Variants in EPHB1 observed in about 807,000 individuals in gnomAD.
The protein encoded by EPHB1 is EPH receptor B1, also known as ephrin type-B receptor 1.
Under a neutral mutation model 94.4 loss-of-function variants are expected in EPHB1, and 30 were observed. That is an observed-to-expected ratio of 0.32 (90% CI 0.24 to 0.43). EPHB1 has a LOEUF of 0.43. Among genes scored for constraint, EPHB1 ranks in the 20% least tolerant of loss-of-function variants. The pLI is 1.00. For missense variants in EPHB1, 1,055 were observed against 1,308.3 expected (o/e 0.81, Z 2.99); for synonymous variants, 522 against 489.1 (o/e 1.07, Z -0.89).
intron 9 of EPHB1, among the ~76,000 whole-genome samples, chr3:135,173,826 A>G (rs1480871715): frequency 6.6e-6 from 1 of 152,098 alleles, no homozygotes; most frequent in East Asian, 1.9e-4. Flanking sequence ...AACGTCTAAA[A>G]CCACATGTGC....
intron 12 of EPHB1, among the ~76,000 whole-genome samples, chr3:135,204,722 C>T (rs906926835): frequency 4.5e-4 from 68 of 151,424 alleles, no homozygotes; most frequent in Non-Finnish European, 6.9e-4. Flanking sequence ...AGGCTGGTCT[C>T]GAACTCCTGG....
chr3:134,848,573 A>G (rs1369999010), intron 1 of EPHB1, among the ~76,000 whole-genome samples: 3 of 152,228 alleles, frequency 2.0e-5, no homozygotes, highest in Non-Finnish European at 4.4e-5. Context: ...CATTCATCGC[A>G]AGCATTAGAT....
At chr3:135,109,817 C>A (rs1358403973) in intron 4 of EPHB1, among the ~76,000 whole-genome samples, 1 of 152,194 alleles carries the variant, frequency 6.6e-6, no homozygotes, top group African/African-American at 2.4e-5. Flanking sequence ...AGAAGCTGGG[C>A]AGGAGCAATG....
At chr3:135,168,073 A>G (rs1331398339) in intron 9 of EPHB1, among the ~76,000 whole-genome samples, 1 of 152,216 alleles carries the variant, frequency 6.6e-6, no homozygotes, top group South Asian at 2.1e-4. Flanking sequence ...CAGCAGCTGC[A>G]CCATGAAGGA....
intron 3 of EPHB1, among the ~76,000 whole-genome samples, chr3:135,075,096 ACTAGGTG>A (rs1937862505): frequency 6.6e-6 from 1 of 152,200 alleles, no homozygotes; most frequent in African/African-American, 2.4e-5. Context: ...AGGAGGAAAG[ACTAGGTG>A]CTGGATACAA....
intron 1 of EPHB1, among the ~76,000 whole-genome samples, chr3:134,811,517 G>A (rs956534784): frequency 7.2e-5 from 11 of 151,826 alleles, no homozygotes; most frequent in Non-Finnish European, 1.5e-4. Context: ...GGGATTACAG[G>A]CATAAGCCAA....
intron 11 of EPHB1, among the ~76,000 whole-genome samples, chr3:135,197,551 G>C (rs6766896): frequency 0.013 from 1,977 of 152,304 alleles, 38 homozygotes; most frequent in African/African-American, 0.046. Flanking sequence ...GATTCATTTT[G>C]TTCAAACAAA....
At chr3:135,107,326 A>T (rs564219405) in intron 4 of EPHB1, among the ~76,000 whole-genome samples, 72 of 152,212 alleles carry the variant, frequency 4.7e-4, no homozygotes, top group Non-Finnish European at 9.4e-4. Context: ...CTGGATAGGG[A>T]TGTGAGAAGG....
chr3:135,162,584 G>T (rs986629344), intron 7 of EPHB1, among the ~76,000 whole-genome samples: 1 of 152,166 alleles, frequency 6.6e-6, no homozygotes, highest in African/African-American at 2.4e-5. Context: ...AGGTCTTCAG[G>T]GAGGAAATGG....
At chr3:135,230,526 C>T (rs1943509456) in intron 12 of EPHB1, among the ~76,000 whole-genome samples, 1 of 152,164 alleles carries the variant, frequency 6.6e-6, no homozygotes. Flanking sequence ...AAGGAGAGAA[C>T]ACACCTGCAC....
At chr3:134,869,726 T>C (rs1430032820) in intron 1 of EPHB1, among the ~76,000 whole-genome samples, 1 of 143,786 alleles carries the variant, frequency 7.0e-6, no homozygotes, top group African/African-American at 2.8e-5. Context: ...TTTGTCTTAC[T>C]CTATACAAAA....
chr3:135,010,558 GT>G (rs58579496), intron 3 of EPHB1, among the ~76,000 whole-genome samples: 11,448 of 110,182 alleles, frequency 0.1, 455 homozygotes, highest in Admixed American at 0.12. Flanking sequence ...ATTTTTTTCT[GT>G]TTTTTTTTTT....
intron 2 of EPHB1, among the ~76,000 whole-genome samples, chr3:134,938,828 G>A (rs1166666643): frequency 1.3e-5 from 2 of 152,232 alleles, no homozygotes; most frequent in East Asian, 3.9e-4. Flanking sequence ...GTATTGCAGA[G>A]GAGGAAGTCG....
intron 3 of EPHB1, among the ~76,000 whole-genome samples, chr3:135,010,155 T>A (rs1325081894): frequency 6.6e-6 from 1 of 152,222 alleles, no homozygotes; most frequent in Non-Finnish European, 1.5e-5. Flanking sequence ...CAAAAATTGC[T>A]AAAGTTCAAA....
chr3:134,848,770 G>T (rs532364170), intron 1 of EPHB1, among the ~76,000 whole-genome samples: 1 of 152,290 alleles, frequency 6.6e-6, no homozygotes, highest in South Asian at 2.1e-4. Flanking sequence ...GGTAGGGGGA[G>T]GGTTTTCCTG....
At chr3:135,008,289 C>A (rs545463503) in intron 3 of EPHB1, among the ~76,000 whole-genome samples, 105 of 152,342 alleles carry the variant, frequency 6.9e-4, no homozygotes, top group African/African-American at 2.5e-3. Flanking sequence ...AATGTGAACT[C>A]ATTTGATTCC....
intron 2 of EPHB1, among the ~76,000 whole-genome samples, chr3:134,949,891 C>T: frequency 6.6e-6 from 1 of 152,184 alleles, no homozygotes; most frequent in East Asian, 1.9e-4. Flanking sequence ...AGCAACTCTT[C>T]TTTGACCCCT....
intron 2 of EPHB1, among the ~76,000 whole-genome samples, chr3:134,948,307 T>G (rs1280411993): frequency 3.4e-5 from 5 of 148,690 alleles, no homozygotes. Flanking sequence ...GAGACTGTTG[T>G]GTTTCAACAA....
chr3:135,157,000 G>T (rs185596239), intron 6 of EPHB1, among the ~76,000 whole-genome samples: 1 of 152,010 alleles, frequency 6.6e-6, no homozygotes, highest in African/African-American at 2.4e-5. Flanking sequence ...TCTCCCCAGC[G>T]TGCACCTATT....
Sources: gnomAD v4.1 joint callset for allele counts (sites outside exome capture counted in the v4.1 genomes callset) on GRCh38, gnomAD v4.1.1 for gene constraint, MANE v1.5 for transcripts, NCBI Gene and HGNC (gene_info 2026-07-23, HGNC 2026-07-21) for gene names.